HPSE2: variants seen among roughly 807,000 people sequenced by gnomAD.
HPSE2 encodes the protein inactive heparanase-2.
Under a neutral mutation model 60.5 loss-of-function variants are expected in HPSE2, and 38 were observed. The ratio of observed to expected loss-of-function variants is 0.63; its 90% CI spans 0.48 to 0.82. HPSE2 has a LOEUF of 0.82. Ranked by LOEUF, HPSE2 falls within the 40% of genes least tolerant of loss-of-function variation. The pLI, the probability that HPSE2 is intolerant of heterozygous loss-of-function variation, is 0.00. For synonymous variants in HPSE2, 295 were observed against 293.2 expected (o/e 1.01, Z -0.06); for missense variants, 713 against 740.4 (o/e 0.96, Z 0.43).
At chr10:99,050,333 T>C (rs774666861) in intron 3 of HPSE2, among the ~76,000 whole-genome samples, 7 of 151,052 alleles carry the variant, frequency 4.6e-5, no homozygotes, top group African/African-American at 1.7e-4. Flanking sequence ...CTTGAAAAGA[T>C]AACAAGTGTT....
intron 6 of HPSE2, among the ~76,000 whole-genome samples, chr10:98,654,361 T>A (rs149213527): frequency 6.6e-5 from 10 of 152,336 alleles, no homozygotes; most frequent in Non-Finnish European, 8.8e-5. Context: ...ATTCTAATTA[T>A]GTGTACATTA....
At chr10:99,175,808 C>T (rs994942635) in intron 2 of HPSE2, among the ~76,000 whole-genome samples, 1 of 152,124 alleles carries the variant, frequency 6.6e-6, no homozygotes, top group Non-Finnish European at 1.5e-5. Flanking sequence ...GGTCCCTGAC[C>T]CCCATGCCTC....
At chr10:98,510,173 G>C (rs1383191744) in intron 9 of HPSE2, among the ~76,000 whole-genome samples, 1 of 152,068 alleles carries the variant, frequency 6.6e-6, no homozygotes, top group African/African-American at 2.4e-5. Context: ...TTTTTGAAAT[G>C]TTTTGTCTTT....
intron 9 of HPSE2, among the ~76,000 whole-genome samples, chr10:98,548,971 C>A (rs1943779044): frequency 6.6e-6 from 1 of 152,162 alleles, no homozygotes; most frequent in African/African-American, 2.4e-5. Flanking sequence ...CCCACAATTG[C>A]ACCTTCTTTC....
At chr10:98,972,541 T>C (rs899696125) in intron 3 of HPSE2, among the ~76,000 whole-genome samples, 19 of 152,144 alleles carry the variant, frequency 1.2e-4, no homozygotes, top group African/African-American at 4.1e-4. Flanking sequence ...GTCCACTGAT[T>C]TCTAGTGCCA....
chr10:99,282,706 C>G, the HPSE2 span, among the ~76,000 whole-genome samples: 2 of 152,072 alleles, frequency 1.3e-5, no homozygotes, highest in African/African-American at 4.8e-5. Flanking sequence ...TAAAGGAAAA[C>G]TGGAAAATTC....
At chr10:99,301,713 T>A in the HPSE2 span, among the ~76,000 whole-genome samples, 1 of 152,090 alleles carries the variant, frequency 6.6e-6, no homozygotes, top group Non-Finnish European at 1.5e-5. Flanking sequence ...AGGTTGCTTG[T>A]GAGCCATGGC....
intron 11 of HPSE2, among the ~76,000 whole-genome samples, chr10:98,482,169 C>T (rs11816373): frequency 0.041 from 6,172 of 152,126 alleles, 204 homozygotes; most frequent in East Asian, 0.14. Flanking sequence ...TTGTTTAGTG[C>T]TCCTTCCTGT....
chr10:98,508,436 T>C (rs546549798), intron 9 of HPSE2, among the ~76,000 whole-genome samples: 4 of 152,194 alleles, frequency 2.6e-5, no homozygotes, highest in Non-Finnish European at 4.4e-5. Flanking sequence ...CCGATTCCTA[T>C]AGCCCAGTGC....
the HPSE2 span, among the ~76,000 whole-genome samples, chr10:99,306,797 C>T: frequency 6.6e-6 from 1 of 152,180 alleles, no homozygotes; most frequent in African/African-American, 2.4e-5. Flanking sequence ...GCAACCTCCA[C>T]CTCCCAGGTT....
chr10:99,048,290 G>T, intron 3 of HPSE2: 2 of 465,684 alleles, frequency 4.3e-6, no homozygotes, highest in South Asian at 3.9e-5. Context: ...TTCTCCACAA[G>T]GTGGAATGAA....
At chr10:98,763,662 C>T (rs1565146080) in intron 3 of HPSE2, among the ~76,000 whole-genome samples, 1 of 150,606 alleles carries the variant, frequency 6.6e-6, no homozygotes, top group African/African-American at 2.4e-5. Flanking sequence ...ATATATTTAT[C>T]ATAAGAAACT....
chr10:99,215,592 T>C (rs1849092610), intron 2 of HPSE2, among the ~76,000 whole-genome samples: 1 of 152,230 alleles, frequency 6.6e-6, no homozygotes, highest in South Asian at 2.1e-4. Context: ...AAATCTGTAC[T>C]TTCTGCACAT....
chr10:99,143,652 T>A (rs979660244), intron 3 of HPSE2, among the ~76,000 whole-genome samples: 6 of 152,216 alleles, frequency 3.9e-5, no homozygotes, highest in Non-Finnish European at 8.8e-5. Flanking sequence ...GCTCATTTGC[T>A]CATTACCAGC....
intron 3 of HPSE2, among the ~76,000 whole-genome samples, chr10:99,015,391 C>T (rs1957115277): frequency 6.6e-6 from 1 of 152,140 alleles, no homozygotes; most frequent in African/African-American, 2.4e-5. Flanking sequence ...TGGCACTATT[C>T]ACAACAGAAA....
At position 98,992,089 on chromosome 10, in the gene HPSE2, G is replaced by A. The variant is rs769051678; in HGVS notation, c.610+152149C>T. Among the ~76,000 whole-genome samples, 31 of 152,066 alleles carry A rather than the reference G, an allele frequency of 2.0e-4. No individual in the cohort carries two copies. The Middle Eastern group carries it at 0.01, about 50-fold the overall frequency. On this transcript the variant is annotated intron_variant, in intron 3 of 11. Coordinates refer to ENST00000370552, the MANE Select transcript of HPSE2 (RefSeq NM_021828.5). ...CCAATCAAATTTTAATTTCCTTAAG[G>A]ATAGAGACAAAATGTGACTATATAT...
chr10:98,872,676 T>C lies in HPSE2; in HGVS notation c.611-128620A>G, dbSNP rs189455528. ...GGTACATAGACAATATTTTGAGCAA[T>C]GATAATTTCAATTCACCTCTGTCTC... On this transcript the variant is annotated intron_variant, in intron 3 of 11. Transcript: ENST00000370552. Among the ~76,000 whole-genome samples the C allele has an allele frequency of 1.4e-3, 213 of 152,238 alleles. 1 individual carries two copies. The highest frequency in any genetic ancestry group is 4.9e-3 in the African/African-American group (203 of 41,552).
At chr10:98,719,747 T>C (rs1338805453) in intron 5 of HPSE2, among the ~76,000 whole-genome samples, 1 of 145,922 alleles carries the variant, frequency 6.9e-6, no homozygotes, top group Non-Finnish European at 1.5e-5. Context: ...TATTCTGTAA[T>C]CCTAGCACTT....
At chr10:99,256,396 T>TGG in the HPSE2 span, among the ~76,000 whole-genome samples, 1 of 2,058 alleles carries the variant, frequency 4.9e-4, no homozygotes, top group Admixed American at 3.2e-3. Flanking sequence ...CCCTACAAGA[T>TGG]GACTCACCAA....
Sources: gnomAD v4.1 joint callset for allele counts (sites outside exome capture counted in the v4.1 genomes callset) on GRCh38, gnomAD v4.1.1 for gene constraint, MANE v1.5 for transcripts, NCBI Gene and HGNC (gene_info 2026-07-23, HGNC 2026-07-21) for gene names.